The following DNER variants were observed in gnomAD, a reference collection of about 807,000 sequenced individuals.
DNER encodes delta/notch like EGF repeat containing, also known as delta and Notch-like epidermal growth factor-related receptor.
A neutral mutation model predicts 78.2 loss-of-function variants in DNER; 33 were observed. The observed-to-expected ratio is 0.42, with a 90% CI of 0.32 to 0.56. The LOEUF (loss-of-function observed/expected upper bound fraction) is 0.56. Ranked by LOEUF, DNER falls within the 20% of genes least tolerant of loss-of-function variation. The pLI, the probability that DNER is intolerant of heterozygous loss-of-function variation, is 0.11. For missense variants in DNER, 918 were observed against 975.3 expected, an observed-to-expected ratio of 0.94 and a Z score of 0.78; for synonymous variants, 417 against 384.8, an observed-to-expected ratio of 1.08 and a Z score of -0.98.
At chr2:229,673,454 T>C (rs1574557039) in intron 1 of DNER, among the ~76,000 whole-genome samples, 1 of 152,242 alleles carries the variant, frequency 6.6e-6, no homozygotes, top group South Asian at 2.1e-4. Context: ...CGGAGGTTTC[T>C]GTCATATGGC....
chr2:229,584,423 T>C (rs1189373591), intron 4 of DNER, among the ~76,000 whole-genome samples: 1 of 152,098 alleles, frequency 6.6e-6, no homozygotes, highest in Non-Finnish European at 1.5e-5. Flanking sequence ...AGCTGCAAGG[T>C]GGAACATTAT....
intron 1 of DNER, among the ~76,000 whole-genome samples, chr2:229,592,630 C>T (rs1408017789): frequency 1.3e-5 from 2 of 152,144 alleles, no homozygotes; most frequent in African/African-American, 4.8e-5. Flanking sequence ...AAGTGTTTAT[C>T]TCAGAGTCCT....
At chr2:229,683,208 C>T (rs150927131) in intron 1 of DNER, among the ~76,000 whole-genome samples, 1 of 152,132 alleles carries the variant, frequency 6.6e-6, no homozygotes, top group African/African-American at 2.4e-5. Context: ...CCCCTACCCC[C>T]CTCTTAGATA....
At chr2:229,384,428 G>A (rs982579049) in intron 11 of DNER, among the ~76,000 whole-genome samples, 3 of 152,030 alleles carry the variant, frequency 2.0e-5, no homozygotes, top group Non-Finnish European at 4.4e-5. Flanking sequence ...AACTGAAGGA[G>A]AGAGAGACAA....
chr2:229,420,758 A>T (rs1693747019), intron 8 of DNER, among the ~76,000 whole-genome samples: 1 of 152,236 alleles, frequency 6.6e-6, no homozygotes, highest in Non-Finnish European at 1.5e-5. Context: ...ACAAACAAAA[A>T]CAGAAAATAA....
Position 229,499,938 on chromosome 2 carries a change from T to C in DNER, c.1147+12845A>G, listed in dbSNP as rs1695582392. On this transcript the variant is annotated intron_variant, in intron 6 of 12. Transcript: ENST00000341772. Reference sequence around the variant, plus strand: ...TCTGAATAGACTTTCTTTCTTTTTTTTTTTTTTTCTCTTCAAGACAGAGTC... The same window carrying C: ...TCTGAATAGACTTTCTTTCTTTTTTCTTTTTTTTCTCTTCAAGACAGAGTC... Among the ~76,000 whole-genome samples, 3 of 151,234 alleles carry C rather than the reference T, an allele frequency of 2.0e-5. 1 individual carries two copies. In the South Asian group the frequency reaches 6.3e-4, roughly 32 times the overall value.
rs532457771 is a variant in DNER at position 229,447,389 on chromosome 2, G to A, written c.1413C>T (p.Phe471=). ...CATGAGCACAGGGGCTGAGGGCACA[G>A]AAGTCAATAAGCTGGGCACAGGTCG... is the stretch of plus-strand genomic sequence containing the variant. ...TGPTCAQLID[F]CALSPCAHGT... is the part of the protein sequence containing the mutation. The change falls in exon 8 of 13, where the codon TTC becomes TTT. Residue 471 remains phenylalanine, a synonymous_variant. Transcript: ENST00000341772. 6.8e-6 allele frequency: 11 copies of A among 1,613,348 alleles called. No individual in the cohort carries two copies. Among genetic ancestry groups the A allele is most frequent in the Non-Finnish European group, 9.3e-6 (11 of 1,179,778 alleles).
At chr2:229,478,892 T>C (rs557303805) in intron 6 of DNER, among the ~76,000 whole-genome samples, 1 of 152,244 alleles carries the variant, frequency 6.6e-6, no homozygotes, top group South Asian at 2.1e-4. Context: ...GGTGGTTTGC[T>C]GCACAGATCA....
At chr2:229,607,440 G>A (rs2154215067) in intron 1 of DNER, among the ~76,000 whole-genome samples, 1 of 152,258 alleles carries the variant, frequency 6.6e-6, no homozygotes, top group African/African-American at 2.4e-5. Flanking sequence ...CCTTCAGCTA[G>A]TAACATAATG....
intron 5 of DNER, among the ~76,000 whole-genome samples, chr2:229,519,892 T>C (rs992796659): frequency 6.6e-6 from 1 of 152,176 alleles, no homozygotes; most frequent in Non-Finnish European, 1.5e-5. Context: ...GACTATCCCT[T>C]TGGTTCGCTG....
intron 1 of DNER, among the ~76,000 whole-genome samples, chr2:229,687,117 T>G (rs1699495671): frequency 6.6e-6 from 1 of 152,226 alleles, no homozygotes; most frequent in Non-Finnish European, 1.5e-5. Context: ...TAAAAACATC[T>G]TTTGCAGTGG....
chr2:229,477,201 T>A lies in DNER; in HGVS notation c.1200A>T (p.Pro400=). ...QSKIDYCILD[P]CRNGATCISS... is the part of the protein sequence containing the mutation. ...AAATGCATGTTGCTCCATTTCTGCA[T>A]GGGTCTAGGATGCAGTAATCAATCT... is the stretch of plus-strand genomic sequence containing the variant. Residue 400 remains proline, a synonymous_variant, in exon 7 of 13, where the codon CCA becomes CCT. Transcript: ENST00000341772. 6.2e-7 allele frequency: 1 copy of A among 1,614,074 alleles called. No individual in the cohort carries two copies. Among genetic ancestry groups the A allele is most frequent in the Non-Finnish European group, 8.5e-7 (1 of 1,179,956 alleles).
intron 5 of DNER, among the ~76,000 whole-genome samples, chr2:229,526,440 G>T (rs1279737774): frequency 1.3e-5 from 2 of 152,278 alleles, no homozygotes; most frequent in South Asian, 2.1e-4. Flanking sequence ...GAAACCCACG[G>T]TTAATACCCT....
At chr2:229,497,190 T>C (rs1695518504) in intron 6 of DNER, among the ~76,000 whole-genome samples, 1 of 152,104 alleles carries the variant, frequency 6.6e-6, no homozygotes, top group Non-Finnish European at 1.5e-5. Context: ...AGCAACATGC[T>C]CTTGCACAAC....
chr2:229,384,708 C>A (rs557320181), intron 11 of DNER, among the ~76,000 whole-genome samples: 1 of 152,164 alleles, frequency 6.6e-6, no homozygotes, highest in African/African-American at 2.4e-5. Flanking sequence ...AAGACTAAAC[C>A]AGAAACAAGT....
Position 229,358,541 on chromosome 2 carries a change from T to G in DNER, c.2213A>C (p.Ter738SerextTer31). 1 of 1,602,476 alleles carries G rather than the reference T, an allele frequency of 6.2e-7. No individual in the cohort carries two copies. Among genetic ancestry groups the G allele is most frequent in the Non-Finnish European group, 8.5e-7 (1 of 1,175,084 alleles). The change falls in exon 13 of 13, where the codon TAA becomes TCA. Residue 738 changes from the stop codon to serine (S), a stop_lost. Coordinates refer to ENST00000341772, the MANE Select transcript of DNER (RefSeq NM_139072.4). ...LVTLIKTKDL[*>S] Reference sequence around the variant, plus strand: ...TTTGAAAAATAATCCAAAAAAAGATTACAAATCTTTAGTTTTAATCAGTGT... The same window carrying G: ...TTTGAAAAATAATCCAAAAAAAGATGACAAATCTTTAGTTTTAATCAGTGT...
At chr2:229,653,805 G>A (rs889234439) in intron 1 of DNER, among the ~76,000 whole-genome samples, 20 of 152,002 alleles carry the variant, frequency 1.3e-4, no homozygotes, top group African/African-American at 4.6e-4. Flanking sequence ...TAAGCCTTAG[G>A]CCATCTGATT....
chr2:229,647,380 T>C (rs191391614), intron 1 of DNER, among the ~76,000 whole-genome samples: 2 of 152,202 alleles, frequency 1.3e-5, no homozygotes, highest in African/African-American at 4.8e-5. Flanking sequence ...AGAACTCAAC[T>C]TCCCCACTTG....
At chr2:229,514,346 T>G (rs1047972012) in intron 5 of DNER, among the ~76,000 whole-genome samples, 4 of 152,280 alleles carry the variant, frequency 2.6e-5, no homozygotes, top group African/African-American at 9.6e-5. Flanking sequence ...TTGCAAATAG[T>G]AATAATGTCA....
Sources: gnomAD v4.1 joint callset for allele counts (sites outside exome capture counted in the v4.1 genomes callset) on GRCh38, gnomAD v4.1.1 for gene constraint, MANE v1.5 for transcripts, NCBI Gene and HGNC (gene_info 2026-07-23, HGNC 2026-07-21) for gene names.